The following TMEM41B variants were observed in gnomAD, a reference collection of about 807,000 sequenced individuals.
The protein encoded by TMEM41B is transmembrane protein 41B, also known as protein stasimon.
Under a neutral mutation model 31.9 loss-of-function variants are expected in TMEM41B, and 18 were observed. The observed-to-expected ratio is 0.56, with a 90% CI of 0.39 to 0.84. TMEM41B has a LOEUF of 0.84. Among genes scored for constraint, TMEM41B ranks in the 40% least tolerant of loss-of-function variants. The pLI, the probability that TMEM41B is intolerant of heterozygous loss-of-function variation, is 0.00. For missense variants in TMEM41B, 322 were observed against 348.0 expected (o/e 0.93, Z 0.59); for synonymous variants, 144 against 124.3 (o/e 1.16, Z -1.05).
chr11:9,283,676 C>T (rs944427247), intron 6 of TMEM41B, 83 bp from the exon 7 acceptor site: 2 of 1,202,900 alleles, frequency 1.7e-6, no homozygotes, highest in African/African-American at 1.6e-5. Flanking sequence ...CATAAAGTTT[C>T]TTAAAACAAC....
At chr11:9,292,712 T>G (rs1275029250) in intron 3 of TMEM41B, among the ~76,000 whole-genome samples, 2 of 152,074 alleles carry the variant, frequency 1.3e-5, no homozygotes, top group African/African-American at 2.4e-5. Context: ...TTGGTCAGGC[T>G]GGTCTTGAAC....
chr11:9,295,914 T>A (rs1853074622), intron 2 of TMEM41B, among the ~76,000 whole-genome samples: 1 of 152,078 alleles, frequency 6.6e-6, no homozygotes, highest in African/African-American at 2.4e-5. Flanking sequence ...TGGAGTGCAT[T>A]GGCGCGATCT....
chr11:9,287,639 A>C (rs536274244), intron 5 of TMEM41B, 63 bp downstream of exon 5: 2 of 1,135,466 alleles, frequency 1.8e-6, no homozygotes, highest in East Asian at 4.9e-5. Context: ...TCATGTAGGG[A>C]CTAAACACAG....
chr11:9,283,249 T>C lies in TMEM41B; in HGVS notation c.*175A>G, dbSNP rs187820815. The C allele has an allele frequency of 2.1e-3, 1,152 of 552,412 alleles. 11 individuals are homozygous for C. The highest frequency in any genetic ancestry group is 0.015 in the South Asian group (573 of 38,024). 34.2% of individuals were successfully genotyped at this position (552,412 alleles called of 1,614,324 possible). ...CTTTTCACAGTATACCAATTTCCAT[T>C]TTTACTTTCTTCTCCCCTTGTCACT... On this transcript the variant is annotated 3_prime_UTR_variant, in exon 7 of 7. Coordinates refer to ENST00000528080, the MANE Select transcript of TMEM41B (RefSeq NM_015012.4).
At chr11:9,306,917 A>G (rs1284339694) in intron 1 of TMEM41B, among the ~76,000 whole-genome samples, 1 of 152,278 alleles carries the variant, frequency 6.6e-6, no homozygotes, top group Admixed American at 6.5e-5. Context: ...TTTGTTCACA[A>G]AATTATCTTC....
chr11:9,308,200 G>A (rs1239959775), intron 1 of TMEM41B, among the ~76,000 whole-genome samples: 1 of 152,074 alleles, frequency 6.6e-6, no homozygotes, highest in Non-Finnish European at 1.5e-5. Context: ...AAAATTAGTT[G>A]GGCGTGGTGG....
chr11:9,305,841 T>C (rs933615170), intron 1 of TMEM41B, among the ~76,000 whole-genome samples: 7 of 152,096 alleles, frequency 4.6e-5, no homozygotes, highest in African/African-American at 1.7e-4. Context: ...TTTTTTCTTT[T>C]TGGTAGACAG....
At chr11:9,293,810 G>A (rs1454038129) in intron 3 of TMEM41B, among the ~76,000 whole-genome samples, 1 of 151,936 alleles carries the variant, frequency 6.6e-6, no homozygotes, top group Non-Finnish European at 1.5e-5. Flanking sequence ...CTGAACCCCT[G>A]ACCTCACGTG....
intron 3 of TMEM41B, among the ~76,000 whole-genome samples, chr11:9,289,394 C>T (rs1852905208): frequency 6.6e-6 from 1 of 151,900 alleles, no homozygotes; most frequent in South Asian, 2.1e-4. Context: ...ATGATTTACT[C>T]ACAAGTCAAA....
chr11:9,314,587 G>A lies in TMEM41B; in HGVS notation c.-146C>T, dbSNP rs1393161169. 3.4e-6 allele frequency: 4 copies of A among 1,167,550 alleles called. 1 individual carries two copies. The South Asian group carries it at 4.8e-5, about 14-fold the overall frequency. 72.3% of individuals were successfully genotyped at this position (1,167,550 alleles called of 1,614,324 possible). A position where few individuals can be genotyped will look rare whatever the true frequency, so the allele number is the denominator to read the frequency against. ...ACCCGAGACGACCTCAGCCCAGCGA[G>A]TACTGCAACCTCCTGCAAACACCCG... On this transcript the variant is annotated 5_prime_UTR_variant, in exon 1 of 7. Coordinates refer to ENST00000528080, the MANE Select transcript of TMEM41B (RefSeq NM_015012.4).
intron 1 of TMEM41B, among the ~76,000 whole-genome samples, chr11:9,303,544 C>T (rs1490889061): frequency 6.6e-6 from 1 of 151,868 alleles, no homozygotes. Context: ...TTATTCTTAC[C>T]TATTCATTAA....
At chr11:9,290,327 G>A (rs1168191246) in intron 3 of TMEM41B, among the ~76,000 whole-genome samples, 8 of 152,098 alleles carry the variant, frequency 5.3e-5, no homozygotes, top group African/African-American at 1.2e-4. Flanking sequence ...GCAGTGAGCC[G>A]AGATCTCGCC....
intron 4 of TMEM41B, 59 bp downstream of exon 4, chr11:9,288,383 C>G: frequency 8.3e-7 from 1 of 1,198,274 alleles, no homozygotes; most frequent in East Asian, 2.4e-5. Flanking sequence ...AAAGTATCAT[C>G]ATCATCCTCA....
In TMEM41B at chr11:9,283,477, G is replaced by C. The variant is rs749323001; in HGVS notation, c.823C>G (p.Leu275Val). The C allele has an allele frequency of 5.0e-6, 8 of 1,611,066 alleles. No homozygotes were observed. In the East Asian group the frequency reaches 1.8e-4, roughly 36 times the overall value. The change falls in exon 7 of 7, where the codon CTT becomes GTT. Residue 275 changes from leucine (L) to valine (V), a missense_variant. Coordinates refer to ENST00000528080, the MANE Select transcript of TMEM41B (RefSeq NM_015012.4). ...SIFILMILAV[L>V]SILPAIFQKK... ...TGGAAGATGGCTGGCAGAATAGAAAGAACAGCCAAGATCATCAGAATAAAT... is the reference window on the plus strand; with the variant it reads ...TGGAAGATGGCTGGCAGAATAGAAACAACAGCCAAGATCATCAGAATAAAT...
At chr11:9,299,325 TACACACAC>T (rs139794462) in intron 2 of TMEM41B, among the ~76,000 whole-genome samples, 8 of 123,150 alleles carry the variant, frequency 6.5e-5, no homozygotes, top group South Asian at 2.8e-4. Flanking sequence ...TATACATACA[TACACACAC>T]ACACACACAC....
intron 1 of TMEM41B, among the ~76,000 whole-genome samples, chr11:9,304,297 C>T (rs6486268): frequency 0.98 from 148,809 of 152,186 alleles, 72,833 homozygotes; most frequent in East Asian, 1. Flanking sequence ...TATGCTCTGG[C>T]TATTACCTAA....
At chr11:9,286,690 C>T (rs1590371245) in intron 5 of TMEM41B, 97 bp from the exon 6 acceptor site, 2 of 1,255,782 alleles carry the variant, frequency 1.6e-6, no homozygotes, top group East Asian at 2.4e-5. Flanking sequence ...ATTCCTGATA[C>T]TTCAGAGTAT....
At chr11:9,295,564 T>C (rs897158988) in intron 2 of TMEM41B, among the ~76,000 whole-genome samples, 177 bp from the exon 3 acceptor site, 2 of 152,216 alleles carry the variant, frequency 1.3e-5, no homozygotes, top group Non-Finnish European at 2.9e-5. Flanking sequence ...ACATAGAGTC[T>C]TGCTCTGTTG....
intron 3 of TMEM41B, 72 bp downstream of exon 3, chr11:9,295,187 T>C: frequency 1.5e-6 from 2 of 1,332,308 alleles, no homozygotes. Flanking sequence ...TAGTTATGTA[T>C]AAATGAAGAG....
Sources: allele counts gnomAD v4.1 joint callset (sites outside exome capture counted in the v4.1 genomes callset), GRCh38; gene constraint gnomAD v4.1.1; transcripts MANE v1.5; gene names NCBI Gene and HGNC (gene_info 2026-07-23, HGNC 2026-07-21).